Variants in SPATA45 observed in about 807,000 individuals in gnomAD.
SPATA45 encodes spermatogenesis associated 45.
In SPATA45, 5 loss-of-function variants were observed where a neutral mutation model predicts 7.0. The observed-to-expected ratio is 0.71, with a 90% CI of 0.37 to 1.50. The LOEUF is 1.50. Among genes scored for constraint, SPATA45 ranks in the 40% most tolerant of loss-of-function variants. The probability of loss-of-function intolerance (pLI) is 0.03; values close to 1 mark genes in which losing one functional copy is unlikely to be tolerated. For synonymous variants in SPATA45, 40 were observed against 38.7 expected (o/e 1.03, Z -0.13); for missense variants, 111 against 114.9 (o/e 0.97, Z 0.16).
chr1:212,835,992 T>G lies in SPATA45; in HGVS notation c.158A>C (p.Asp53Ala). The G allele has an allele frequency of 6.2e-7, 1 of 1,611,252 alleles. No individual in the cohort carries two copies. Among genetic ancestry groups the G allele is most frequent in the South Asian group, 1.1e-5 (1 of 90,784 alleles). ...LLRVQKRHFP[D>A]AYQSFTDTTT... Reference sequence around the variant, plus strand: ...GGTATCAGTAAAGGACTGATAGGCATCCGGGAAGTGCCTCTTTTGAACTCT... The same window carrying G: ...GGTATCAGTAAAGGACTGATAGGCAGCCGGGAAGTGCCTCTTTTGAACTCT... The change falls in exon 2 of 3, where the codon GAT (aspartate) becomes GCT (alanine). Residue 53 changes from aspartate to alanine, a missense_variant. By Grantham distance (126) the Asp-to-Ala change is moderately radical. Coordinates refer to ENST00000332912, the MANE Select transcript of SPATA45 (RefSeq NM_001024601.3).
At chr1:212,846,721 G>A (rs546453501) in intron 1 of SPATA45, among the ~76,000 whole-genome samples, 9 of 152,004 alleles carry the variant, frequency 5.9e-5, no homozygotes, top group East Asian at 1.9e-4. Flanking sequence ...TTTTGGACTC[G>A]GCCCGCCTGC....
intron 1 of SPATA45, among the ~76,000 whole-genome samples, chr1:212,841,371 C>T (rs773322907): frequency 1.4e-4 from 22 of 152,230 alleles, no homozygotes; most frequent in Non-Finnish European, 2.5e-4. Context: ...AACATGTTGC[C>T]CAGGCTGGGC....
intron 1 of SPATA45, among the ~76,000 whole-genome samples, chr1:212,842,711 G>A (rs1663709253): frequency 6.6e-6 from 1 of 152,112 alleles, no homozygotes; most frequent in Non-Finnish European, 1.5e-5. Context: ...GGTGGCTCAC[G>A]CCTGTGATCC....
At chr1:212,837,182 T>A (rs977933029) in intron 1 of SPATA45, among the ~76,000 whole-genome samples, 3 of 151,484 alleles carry the variant, frequency 2.0e-5, no homozygotes, top group African/African-American at 7.3e-5. Context: ...TAATACATGT[T>A]TAATACATGA....
chr1:212,830,415 T>C (rs1663462529), intron 2 of SPATA45, among the ~76,000 whole-genome samples, 154 bp from the exon 3 acceptor site: 1 of 151,532 alleles, frequency 6.6e-6, no homozygotes, highest in South Asian at 2.1e-4. Context: ...CTCACACCTG[T>C]AATCCCAGCA....
intron 2 of SPATA45, among the ~76,000 whole-genome samples, chr1:212,831,933 C>T (rs763566308): frequency 6.6e-6 from 1 of 150,950 alleles, no homozygotes; most frequent in Non-Finnish European, 1.5e-5. Flanking sequence ...CTCCATCCAA[C>T]ACTTCCTATC....
chr1:212,843,155 T>C (rs1571993747), intron 1 of SPATA45, among the ~76,000 whole-genome samples: 1 of 143,438 alleles, frequency 7.0e-6, no homozygotes, highest in Non-Finnish European at 1.5e-5. Flanking sequence ...CTGGGCGCGG[T>C]GGCACATGCC....
Position 212,835,390 on chromosome 1 carries a change from G to A in SPATA45, c.277+483C>T, listed in dbSNP as rs148870837. ...AATACAAAAAAATCAGTCAGACTTCGTGGTGCATGCCTGTAATCCCAGCTA... is the reference window on the plus strand; with the variant it reads ...AATACAAAAAAATCAGTCAGACTTCATGGTGCATGCCTGTAATCCCAGCTA... On this transcript the variant is annotated intron_variant, in intron 2 of 2. Transcript: ENST00000332912. 2.2e-3 allele frequency among the ~76,000 whole-genome samples: 327 copies of A among 151,546 alleles called. 3 individuals are homozygous for A. The highest frequency in any genetic ancestry group is 7.4e-3 in the African/African-American group (305 of 41,430).
intron 1 of SPATA45, among the ~76,000 whole-genome samples, chr1:212,839,709 A>G (rs1300169934): frequency 6.6e-6 from 1 of 151,670 alleles, no homozygotes; most frequent in Non-Finnish European, 1.5e-5. Flanking sequence ...GGTAGGCAGC[A>G]AGGGTGGCAG....
intron 2 of SPATA45, among the ~76,000 whole-genome samples, chr1:212,832,834 A>G (rs904322416): frequency 3.3e-5 from 5 of 151,584 alleles, no homozygotes; most frequent in Admixed American, 6.6e-5. Flanking sequence ...GAATGAGGTA[A>G]GTTCTACCAC....
At chr1:212,843,705 G>C (rs148369638) in intron 1 of SPATA45, among the ~76,000 whole-genome samples, 47 of 152,294 alleles carry the variant, frequency 3.1e-4, no homozygotes, top group Non-Finnish European at 5.3e-4. Context: ...AACTGGTCCT[G>C]TGTGTGACAT....
intron 1 of SPATA45, among the ~76,000 whole-genome samples, chr1:212,842,199 G>A (rs1024957820): frequency 2.0e-5 from 3 of 151,708 alleles, no homozygotes; most frequent in Non-Finnish European, 4.4e-5. Context: ...CCAACATGGT[G>A]AAACCCGGTC....
chr1:212,838,075 T>C (rs1663618463), intron 1 of SPATA45, among the ~76,000 whole-genome samples: 1 of 151,332 alleles, frequency 6.6e-6, no homozygotes, highest in Non-Finnish European at 1.5e-5. Flanking sequence ...CCGAGGTGTA[T>C]GGGTCACCTG....
At chr1:212,843,320 G>C (rs901130551) in intron 1 of SPATA45, among the ~76,000 whole-genome samples, 1 of 151,400 alleles carries the variant, frequency 6.6e-6, no homozygotes, top group African/African-American at 2.4e-5. Flanking sequence ...AGAAAGAAAA[G>C]TAAAGAAAAT....
intron 1 of SPATA45, among the ~76,000 whole-genome samples, chr1:212,840,940 C>T (rs1456596448): frequency 1.3e-5 from 2 of 151,898 alleles, no homozygotes; most frequent in Non-Finnish European, 2.9e-5. Flanking sequence ...TTTAAATTCT[C>T]TCTCTCTCTC....
intron 1 of SPATA45, among the ~76,000 whole-genome samples, chr1:212,838,962 C>T (rs1018070145): frequency 7.3e-5 from 11 of 151,250 alleles, no homozygotes; most frequent in African/African-American, 2.7e-4. Flanking sequence ...CTTGGCCTCC[C>T]AGAGTACTGA....
chr1:212,833,503 C>CAAAA (rs35760900), intron 2 of SPATA45, among the ~76,000 whole-genome samples: 8 of 108,730 alleles, frequency 7.4e-5, no homozygotes, highest in African/African-American at 2.5e-4. Flanking sequence ...TACTAAAATA[C>CAAAA]AAAAAAAAAA....
intron 1 of SPATA45, among the ~76,000 whole-genome samples, chr1:212,845,845 C>A (rs1047828837): frequency 1.3e-5 from 2 of 152,108 alleles, no homozygotes; most frequent in African/African-American, 4.8e-5. Context: ...TCACCCAGGC[C>A]TCCACTTATT....
rs1267813713 is a variant in SPATA45, at chr1:212,842,863, C to T, written c.-39+4717G>A. Among the ~76,000 whole-genome samples, 6 of 148,150 alleles carry T rather than the reference C, an allele frequency of 4.0e-5. 1 individual carries two copies. Among genetic ancestry groups the T allele is most frequent in the East Asian group, 4.0e-4 (2 of 5,002 alleles). On this transcript the variant is annotated intron_variant, in intron 1 of 2. Coordinates refer to ENST00000332912, the MANE Select transcript of SPATA45 (RefSeq NM_001024601.3). ...CAGCATGTTGGGAGGCCGAGGCAGG[C>T]GGATCACTAGGTCAGGAGATCAAGA...
Sources: gnomAD v4.1 joint callset for allele counts (sites outside exome capture counted in the v4.1 genomes callset) on GRCh38, gnomAD v4.1.1 for gene constraint, MANE v1.5 for transcripts, NCBI Gene and HGNC (gene_info 2026-07-23, HGNC 2026-07-21) for gene names.